KIF26B: variants seen among roughly 807,000 people sequenced by gnomAD.
KIF26B encodes kinesin family member 26B.
In KIF26B, 63 loss-of-function variants were observed where a neutral mutation model predicts 151.2. The ratio of observed to expected loss-of-function variants is 0.42; its 90% CI spans 0.34 to 0.51. KIF26B has a LOEUF of 0.51. Ranked by LOEUF, KIF26B falls within the 20% of genes least tolerant of loss-of-function variation. The probability of loss-of-function intolerance (pLI) is 0.07; values close to 1 mark genes in which losing one functional copy is unlikely to be tolerated. For synonymous variants in KIF26B, 1,357 were observed against 1,262.1 expected, an observed-to-expected ratio of 1.08 and a Z score of -1.59; for missense variants, 2,813 against 2,913.6, an observed-to-expected ratio of 0.97 and a Z score of 0.79.
At chr1:245,683,722 A>G (rs1300096131) in intron 10 of KIF26B, among the ~76,000 whole-genome samples, 1 of 152,218 alleles carries the variant, frequency 6.6e-6, no homozygotes, top group Non-Finnish European at 1.5e-5. Context: ...GACAATGCCA[A>G]TAAAGTAGCC....
At chr1:245,266,756 T>C (rs372385471) in intron 2 of KIF26B, among the ~76,000 whole-genome samples, 5 of 152,208 alleles carry the variant, frequency 3.3e-5, no homozygotes, top group African/African-American at 1.2e-4. Flanking sequence ...CCACCTGCCT[T>C]GGCCTCCCAA....
intron 2 of KIF26B, among the ~76,000 whole-genome samples, chr1:245,211,736 CTG>C (rs1377310432): frequency 6.6e-6 from 1 of 151,964 alleles, no homozygotes; most frequent in Non-Finnish European, 1.5e-5. Context: ...TTTAAATCCT[CTG>C]TTTCTTCTCT....
intron 2 of KIF26B, among the ~76,000 whole-genome samples, chr1:245,265,193 C>A (rs1670722924): frequency 1.5e-5 from 2 of 135,346 alleles, no homozygotes; most frequent in Admixed American, 7.9e-5. Context: ...CACAGTGAGA[C>A]TCCATCTCAA....
At chr1:245,676,973 G>A (rs954336217) in intron 10 of KIF26B, among the ~76,000 whole-genome samples, 1 of 152,166 alleles carries the variant, frequency 6.6e-6, no homozygotes, top group Non-Finnish European at 1.5e-5. Context: ...CGGGAAGAAC[G>A]CGTCTCTCCC....
At chr1:245,679,982 C>T (rs2044411147) in intron 10 of KIF26B, among the ~76,000 whole-genome samples, 1 of 152,180 alleles carries the variant, frequency 6.6e-6, no homozygotes. Flanking sequence ...CTCCATCCCT[C>T]CCGCCTGGCT....
intron 4 of KIF26B, among the ~76,000 whole-genome samples, chr1:245,539,806 C>G (rs541364593): frequency 3.3e-5 from 5 of 152,134 alleles, no homozygotes; most frequent in Non-Finnish European, 7.4e-5. Flanking sequence ...GCATGCACCA[C>G]CACACCCGGC....
intron 2 of KIF26B, among the ~76,000 whole-genome samples, chr1:245,237,941 A>T (rs1670144146): frequency 6.6e-6 from 1 of 151,736 alleles, no homozygotes; most frequent in Admixed American, 6.6e-5. Context: ...TGGGAGGATC[A>T]CTTGAGCCCC....
intron 5 of KIF26B, among the ~76,000 whole-genome samples, chr1:245,541,254 G>T (rs967218209): frequency 2.0e-5 from 3 of 152,256 alleles, no homozygotes; most frequent in Admixed American, 6.5e-5. Flanking sequence ...ATCGAGGCAG[G>T]GGCAGGAGAC....
Position 245,527,524 on chromosome 1 carries a change from CTTTTTTT to C in KIF26B, c.1167-13222_1167-13216del, listed in dbSNP as rs548422038. Among the ~76,000 whole-genome samples, 246 of 50,696 alleles carry C rather than the reference CTTTTTTT, an allele frequency of 4.9e-3. 3 individuals carry two copies. In the East Asian group the frequency reaches 0.059, roughly 12 times the overall value. The allele number at this position is 50,696 out of a possible 152,430, so 33.3% of individuals were successfully genotyped here. ...TCATTTATATCTGGCTTTGGGATGG[CTTTTTTT>C]TTTTTTTTTTTTTTTTTTTTGAGAT... On this transcript the variant is annotated intron_variant, in intron 4 of 14. Transcript: ENST00000407071.
Position 245,687,535 on chromosome 1 carries a change from C to A in KIF26B, c.4552C>A (p.Pro1518Thr). 1 of 1,568,696 alleles carries A rather than the reference C, an allele frequency of 6.4e-7. No homozygotes were observed. Among genetic ancestry groups the A allele is most frequent in the Non-Finnish European group, 8.6e-7 (1 of 1,157,232 alleles). The change falls in exon 12 of 15, where the codon CCC (proline) becomes ACC (threonine). Residue 1518 changes from proline to threonine, a missense_variant. Physicochemically the swap from Pro to Thr is conservative, Grantham distance 38 (BLOSUM62 -1). This residue lies in a region of KIF26B where 2,060 missense variants were observed against 2,088.6 expected (regional missense o/e 0.99). Transcript: ENST00000407071. The surrounding 1 kb of genome is among the most constrained non-coding windows in gnomAD (Gnocchi z 4.9). ...RVVDGCEMAL[P>T]GLATQSPVHP... ...CGTGGATGGGTGTGAGATGGCCCTG[C>A]CCGGTTTGGCCACCCAGAGCCCCGT...
chr1:245,498,804 G>C (rs954834657), intron 4 of KIF26B, among the ~76,000 whole-genome samples: 1 of 152,164 alleles, frequency 6.6e-6, no homozygotes, highest in African/African-American at 2.4e-5. Context: ...AGGTACTGGG[G>C]AAAAGAGGAG....
chr1:245,192,701 C>G (rs114301619), intron 2 of KIF26B, among the ~76,000 whole-genome samples: 248 of 152,276 alleles, frequency 1.6e-3, no homozygotes, highest in Middle Eastern at 6.8e-3. Flanking sequence ...GGAGAGGAGT[C>G]TAAAGATAAC....
chr1:245,652,108 GT>G (rs2103190703), intron 10 of KIF26B, among the ~76,000 whole-genome samples: 1 of 51,076 alleles, frequency 2.0e-5, no homozygotes, highest in South Asian at 5.1e-4. Flanking sequence ...GAATCTGTGT[GT>G]GTGTGTGTGT....
intron 4 of KIF26B, among the ~76,000 whole-genome samples, chr1:245,453,171 C>T (rs562728452): frequency 4.2e-4 from 64 of 152,170 alleles, no homozygotes; most frequent in African/African-American, 1.5e-3. Flanking sequence ...TCCCAGAACA[C>T]TAGATCTGTT....
intron 4 of KIF26B, among the ~76,000 whole-genome samples, chr1:245,522,019 G>GCA (rs1661129693): frequency 6.6e-6 from 1 of 151,498 alleles, no homozygotes; most frequent in Non-Finnish European, 1.5e-5. Flanking sequence ...ACAGGCACCC[G>GCA]CCACCATGCC....
At chr1:245,349,110 A>G (rs1266555142) in intron 2 of KIF26B, among the ~76,000 whole-genome samples, 1 of 152,218 alleles carries the variant, frequency 6.6e-6, no homozygotes, top group Admixed American at 6.5e-5. Context: ...TCATGGCTCT[A>G]TCGCACAACT....
In KIF26B at chr1:245,687,940, A is replaced by G; in HGVS notation, c.4957A>G (p.Lys1653Glu). The G allele has an allele frequency of 6.3e-7, 1 of 1,594,260 alleles. No individual in the cohort carries two copies. Among genetic ancestry groups the G allele is most frequent in the Non-Finnish European group, 8.5e-7 (1 of 1,172,252 alleles). The change falls in exon 12 of 15, where the codon AAG becomes GAG. Residue 1653 changes from lysine (K) to glutamate (E), a missense_variant. Physicochemically the swap from Lys to Glu is moderately conservative, Grantham distance 56 (BLOSUM62 1). Around this residue, in one of 3 missense-constraint regions of KIF26B, gnomAD observed 2,060 missense variants for 2,088.6 expected, o/e 0.99. Coordinates refer to ENST00000407071, the MANE Select transcript of KIF26B (RefSeq NM_018012.4). The surrounding 1 kb of genome is among the most constrained non-coding windows in gnomAD (Gnocchi z 4.9). Reference protein sequence around the residue: ...GKTKDASSSSKLFSAKLEQLA... With the variant: ...GKTKDASSSSELFSAKLEQLA... ...GACGAAGGACGCCAGCAGCAGCAGCAAGCTCTTCAGTGCCAAGCTGGAGCA... is the reference window on the plus strand; with the variant it reads ...GACGAAGGACGCCAGCAGCAGCAGCGAGCTCTTCAGTGCCAAGCTGGAGCA...
intron 2 of KIF26B, among the ~76,000 whole-genome samples, chr1:245,325,051 C>T (rs6670201): frequency 0.046 from 6,677 of 146,650 alleles, 523 homozygotes; most frequent in African/African-American, 0.16. Flanking sequence ...GTCAAGATCA[C>T]GCCACTGCAC....
chr1:245,402,354 C>T (rs992726211), intron 3 of KIF26B, among the ~76,000 whole-genome samples: 5 of 152,224 alleles, frequency 3.3e-5, no homozygotes, highest in African/African-American at 4.8e-5. Flanking sequence ...TCCCTCCTGT[C>T]TGCAAGGTTT....
Sources: allele counts gnomAD v4.1 joint callset (sites outside exome capture counted in the v4.1 genomes callset), GRCh38; gene constraint gnomAD v4.1.1; regional missense constraint gnomAD v4.1.1; non-coding constraint Gnocchi (gnomAD v3.1); transcripts MANE v1.5; gene names NCBI Gene and HGNC (gene_info 2026-07-23, HGNC 2026-07-21).